TSPAN8: variants seen among roughly 807,000 people sequenced by gnomAD.
The protein encoded by TSPAN8 is tetraspanin-8.
A neutral mutation model predicts 32.8 loss-of-function variants in TSPAN8; 21 were observed. That is an observed-to-expected ratio of 0.64 (90% CI 0.45 to 0.92). The LOEUF (loss-of-function observed/expected upper bound fraction) is 0.92, where lower values mean the gene tolerates loss of function less well. Ranked by LOEUF, TSPAN8 falls within the 40% of genes least tolerant of loss-of-function variation. The pLI, the probability that TSPAN8 is intolerant of heterozygous loss-of-function variation, is 0.00. For missense variants in TSPAN8, 269 were observed against 281.9 expected (o/e 0.95, Z 0.33); for synonymous variants, 95 against 94.6 (o/e 1.00, Z -0.03).
chr12:71,154,353 T>TC (rs1318847882), intron 2 of TSPAN8, among the ~76,000 whole-genome samples: 46 of 141,198 alleles, frequency 3.3e-4, no homozygotes, highest in African/African-American at 1.2e-3. Flanking sequence ...ATAATAATAA[T>TC]AATCAGAGCT....
In TSPAN8 at chr12:71,155,571, T is replaced by G. The variant is rs542626888; in HGVS notation, c.60+2048A>C. ...TTAACCAACCACACAGTGTGGACCT[T>G]ATTTAGATCCTGATTCTAACAGGAA... On this transcript the variant is annotated intron_variant, in intron 2 of 8. Coordinates refer to ENST00000247829, the MANE Select transcript of TSPAN8 (RefSeq NM_004616.3). 3.3e-5 allele frequency among the ~76,000 whole-genome samples: 5 copies of G among 152,232 alleles called. No individual in the cohort carries two copies. The East Asian group carries it at 9.6e-4, about 29-fold the overall frequency.
At chr12:71,151,576 CA>C (rs2137060969) in intron 2 of TSPAN8, among the ~76,000 whole-genome samples, 1 of 152,284 alleles carries the variant, frequency 6.6e-6, no homozygotes, top group African/African-American at 2.4e-5. Flanking sequence ...AAAAATGACA[CA>C]AATTCAGTAA....
At chr12:71,148,618 T>C (rs1239597613) in intron 2 of TSPAN8, among the ~76,000 whole-genome samples, 1 of 152,216 alleles carries the variant, frequency 6.6e-6, no homozygotes, top group Non-Finnish European at 1.5e-5. Context: ...TTGTCCTCTT[T>C]TTCAGGAGTA....
chr12:71,133,230 T>G (rs1871577194), intron 6 of TSPAN8, among the ~76,000 whole-genome samples: 1 of 152,050 alleles, frequency 6.6e-6, no homozygotes, highest in African/African-American at 2.4e-5. Context: ...ATTACAGGCA[T>G]GCTGCACCAC....
chr12:71,135,299 G>A (rs1231751886), intron 6 of TSPAN8, among the ~76,000 whole-genome samples: 1 of 136,356 alleles, frequency 7.3e-6, no homozygotes, highest in African/African-American at 2.9e-5. Context: ...AGAAGGAGGA[G>A]GGGGAGGGGG....
At chr12:71,126,031 A>C (rs929284874) in intron 8 of TSPAN8, among the ~76,000 whole-genome samples, 3 of 152,164 alleles carry the variant, frequency 2.0e-5, no homozygotes, top group Admixed American at 6.5e-5. Flanking sequence ...AATTTGCTCT[A>C]ATTGGCTCTA....
intron 7 of TSPAN8, among the ~76,000 whole-genome samples, chr12:71,130,347 C>T (rs1871482050): frequency 1.3e-5 from 2 of 152,266 alleles, no homozygotes; most frequent in South Asian, 4.1e-4. Flanking sequence ...TATGCCATTA[C>T]TTTAGATAAA....
chr12:71,154,325 A>ATAATAC (rs1445393347), intron 2 of TSPAN8, among the ~76,000 whole-genome samples: 1 of 147,066 alleles, frequency 6.8e-6, no homozygotes, highest in East Asian at 2.0e-4. Flanking sequence ...AATAATAATA[A>ATAATAC]TAATAATAAT....
chr12:71,131,873 T>C (rs529012748), intron 7 of TSPAN8, among the ~76,000 whole-genome samples: 5 of 152,006 alleles, frequency 3.3e-5, no homozygotes, highest in Admixed American at 1.3e-4. Flanking sequence ...CAAGAGATAC[T>C]AGTAGACCAT....
chr12:71,155,612 C>T (rs1341546679), intron 2 of TSPAN8, among the ~76,000 whole-genome samples: 3 of 152,008 alleles, frequency 2.0e-5, no homozygotes, highest in Non-Finnish European at 4.4e-5. Context: ...ATGAGGTAAT[C>T]GGAAATTTCA....
intron 6 of TSPAN8, among the ~76,000 whole-genome samples, chr12:71,135,669 T>C (rs569216465): frequency 6.6e-6 from 1 of 152,208 alleles, no homozygotes; most frequent in African/African-American, 2.4e-5. Flanking sequence ...CAGGAGAACA[T>C]GCTACAACAA....
At chr12:71,126,601 A>G (rs1001178500) in intron 8 of TSPAN8, among the ~76,000 whole-genome samples, 1 of 152,162 alleles carries the variant, frequency 6.6e-6, no homozygotes, top group Non-Finnish European at 1.5e-5. Context: ...GAGATTTGTC[A>G]TTTTATAATG....
intron 6 of TSPAN8, among the ~76,000 whole-genome samples, chr12:71,135,340 G>A (rs545297890): frequency 1.3e-4 from 19 of 142,620 alleles, no homozygotes; most frequent in Admixed American, 1.1e-3. Flanking sequence ...GAAGGAGGAG[G>A]AGGAAGAAGG....
In TSPAN8 at chr12:71,156,255, AAAAAAAAAAAAAACAAAC is replaced by A. The variant is rs1392945554; in HGVS notation, c.60+1346_60+1363del. 1.8e-3 allele frequency among the ~76,000 whole-genome samples: 189 copies of A among 103,878 alleles called. 18 individuals are homozygous for A. Among genetic ancestry groups the A allele is most frequent in the African/African-American group, 7.2e-3 (179 of 24,704 alleles). 68.1% of individuals were successfully genotyped at this position (103,878 alleles called of 152,430 possible). A position where few individuals can be genotyped will look rare whatever the true frequency, so the allele number is the denominator to read the frequency against. On this transcript the variant is annotated intron_variant, in intron 2 of 8. Transcript: ENST00000247829. ...AGTGAATATTCAAAGTTCTCCAAAA[AAAAAAAAAAAAAACAAAC>A]AAAAAAAAAACTAGAAACAAAACAA...
At chr12:71,134,054 A>G (rs192354885) in intron 6 of TSPAN8, among the ~76,000 whole-genome samples, 12 of 152,322 alleles carry the variant, frequency 7.9e-5, no homozygotes. Context: ...GTGTAATAAA[A>G]TCATTTATTA....
At chr12:71,146,295 A>G (rs1232392293) in intron 2 of TSPAN8, among the ~76,000 whole-genome samples, 1 of 152,196 alleles carries the variant, frequency 6.6e-6, no homozygotes, top group East Asian at 1.9e-4. Context: ...TTTAGAGTAT[A>G]TCATTCTCAT....
At chr12:71,140,944 A>G (rs762525403) in intron 3 of TSPAN8, among the ~76,000 whole-genome samples, 2 of 152,244 alleles carry the variant, frequency 1.3e-5, no homozygotes, top group Non-Finnish European at 2.9e-5. Context: ...CAGTCAATAC[A>G]AAAATGACTG....
chr12:71,157,300 C>T (rs1592414272), intron 2 of TSPAN8: 2 of 251,450 alleles, frequency 8.0e-6, no homozygotes, highest in South Asian at 6.5e-5. Flanking sequence ...ATTAGGGAGG[C>T]CTGCTTGATA....
Position 71,139,699 on chromosome 12 carries a change from T to C in TSPAN8, c.261+12A>G. Reference sequence around the variant, plus strand: ...TGAAGGTTGGACACTGGGATTTGTTTGGAGAACTCACCAACAGAAGCATGC... The same window carrying C: ...TGAAGGTTGGACACTGGGATTTGTTCGGAGAACTCACCAACAGAAGCATGC... On this transcript the variant is annotated intron_variant, in intron 4 of 8. Coordinates refer to ENST00000247829, the MANE Select transcript of TSPAN8 (RefSeq NM_004616.3). 1 of 1,612,672 alleles carries C rather than the reference T, an allele frequency of 6.2e-7. No homozygotes were observed. Among genetic ancestry groups the C allele is most frequent in the East Asian group, 2.2e-5 (1 of 44,856 alleles).
Sources: gnomAD v4.1 joint callset for allele counts (sites outside exome capture counted in the v4.1 genomes callset) on GRCh38, gnomAD v4.1.1 for gene constraint, MANE v1.5 for transcripts, NCBI Gene and HGNC (gene_info 2026-07-23, HGNC 2026-07-21) for gene names.